Variants in GRM7 observed in about 807,000 individuals in gnomAD.
GRM7 encodes the protein metabotropic glutamate receptor 7.
GRM7 carries 35 observed loss-of-function variants against 84.5 expected under a neutral mutation model. The observed-to-expected ratio is 0.41, with a 90% CI of 0.32 to 0.55. The LOEUF is 0.55. GRM7 is among the 20% of genes least tolerant of loss of function. GRM7 has a pLI of 0.19. For missense variants in GRM7, 1,003 were observed against 1,194.6 expected (o/e 0.84, Z 2.36); for synonymous variants, 487 against 455.1 (o/e 1.07, Z -0.89).
intron 7 of GRM7, among the ~76,000 whole-genome samples, chr3:7,554,638 C>T (rs941101102): frequency 6.6e-6 from 1 of 152,158 alleles, no homozygotes; most frequent in African/African-American, 2.4e-5. Context: ...CTAGTGTGGG[C>T]AGACAGTAGG....
rs138599097 is a variant in GRM7, at chr3:7,711,629, C to T, written c.2699-28728C>T. Among the ~76,000 whole-genome samples the T allele has an allele frequency of 1.5e-4, 23 of 152,318 alleles. No homozygotes were observed. The East Asian group carries it at 2.5e-3, about 17-fold the overall frequency. The stretch of plus-strand genomic sequence containing the variant: ...AAAGGCATGCTGCCTGGAACTCGGA[C>T]GGCACCAAAGCTTTGTACTCTGAAT... On this transcript the variant is annotated intron_variant, in intron 9 of 9. Coordinates refer to ENST00000357716, the MANE Select transcript of GRM7 (RefSeq NM_000844.4).
intron 1 of GRM7, among the ~76,000 whole-genome samples, chr3:7,044,408 G>C (rs879422109): frequency 1.3e-5 from 2 of 152,066 alleles, no homozygotes; most frequent in Non-Finnish European, 2.9e-5. Flanking sequence ...GGAACGAGAG[G>C]TGATCTTTAT....
intron 1 of GRM7, among the ~76,000 whole-genome samples, chr3:6,962,813 A>G (rs1245899277): frequency 1.3e-5 from 2 of 152,190 alleles, no homozygotes; most frequent in Non-Finnish European, 2.9e-5. Flanking sequence ...TTTCATCAAG[A>G]AGACTAATAG....
intron 2 of GRM7, among the ~76,000 whole-genome samples, chr3:7,230,665 CAA>C (rs1240128510): frequency 6.6e-6 from 1 of 152,260 alleles, no homozygotes; most frequent in East Asian, 1.9e-4. Context: ...ATGCAGCTTT[CAA>C]AGAGACTTTG....
intron 5 of GRM7, among the ~76,000 whole-genome samples, chr3:7,415,813 A>AGAGGAT (rs1696136315): frequency 6.6e-6 from 1 of 152,076 alleles, no homozygotes; most frequent in Admixed American, 6.6e-5. Flanking sequence ...TCCTCCCTCT[A>AGAGGAT]TGTTGCCCAG....
chr3:7,173,876 G>A (rs973543708), intron 2 of GRM7, among the ~76,000 whole-genome samples: 2 of 152,086 alleles, frequency 1.3e-5, no homozygotes, highest in Non-Finnish European at 2.9e-5. Context: ...ATCCCTAATT[G>A]CCATTAAGAC....
intron 9 of GRM7, among the ~76,000 whole-genome samples, chr3:7,683,880 C>G (rs1700476542): frequency 6.6e-6 from 1 of 152,154 alleles, no homozygotes; most frequent in Non-Finnish European, 1.5e-5. Context: ...CAATTTGAGT[C>G]CACATTGGAT....
chr3:6,971,514 G>A (rs1693758595), intron 1 of GRM7, among the ~76,000 whole-genome samples: 1 of 152,146 alleles, frequency 6.6e-6, no homozygotes, highest in South Asian at 2.1e-4. Flanking sequence ...GATATTTCTA[G>A]ATTACTACTG....
chr3:6,861,155 G>A lies in GRM7; in HGVS notation c.-234G>A. ...GAGAGAGCGAGCAGCAAGCCGGTGAGCGCGAGCGCGGCGCGCCGGCCGGCT... is the reference window on the plus strand; with the variant it reads ...GAGAGAGCGAGCAGCAAGCCGGTGAACGCGAGCGCGGCGCGCCGGCCGGCT... On this transcript the variant is annotated 5_prime_UTR_variant, in exon 1 of 10. Coordinates refer to ENST00000357716, the MANE Select transcript of GRM7 (RefSeq NM_000844.4). The surrounding 1 kb of genome is among the most constrained non-coding windows in gnomAD (Gnocchi z 6.4). 2.3e-6 allele frequency: 1 copy of A among 433,936 alleles called. No homozygotes were observed. 26.9% of individuals were successfully genotyped at this position (433,936 alleles called of 1,614,324 possible).
chr3:7,374,751 A>G (rs1694276557), intron 4 of GRM7, among the ~76,000 whole-genome samples: 1 of 150,316 alleles, frequency 6.7e-6, no homozygotes, highest in South Asian at 2.1e-4. Flanking sequence ...TCGGCCTCCC[A>G]AAGTGCTGGG....
intron 1 of GRM7, among the ~76,000 whole-genome samples, chr3:6,889,346 C>G (rs546423812): frequency 5.3e-5 from 8 of 152,230 alleles, no homozygotes; most frequent in African/African-American, 1.7e-4. Context: ...TTCGTCCATT[C>G]AGTATGATAT....
At chr3:7,184,983 T>A (rs1344882918) in intron 2 of GRM7, among the ~76,000 whole-genome samples, 1 of 152,200 alleles carries the variant, frequency 6.6e-6, no homozygotes, top group Non-Finnish European at 1.5e-5. Context: ...TGCTGAGTAT[T>A]TTTACACATT....
intron 9 of GRM7, among the ~76,000 whole-genome samples, chr3:7,699,193 G>C (rs191359094): frequency 7.6e-4 from 115 of 152,248 alleles, no homozygotes; most frequent in Non-Finnish European, 7.1e-4. Context: ...TTTGATTTCA[G>C]GTAAGAAAGA....
chr3:7,518,797 G>A (rs1314819951), intron 7 of GRM7, among the ~76,000 whole-genome samples: 1 of 152,174 alleles, frequency 6.6e-6, no homozygotes, highest in Non-Finnish European at 1.5e-5. Context: ...TCTAAATATA[G>A]GTTAATGAAA....
chr3:6,922,036 G>A (rs1575017479), intron 1 of GRM7, among the ~76,000 whole-genome samples: 1 of 152,206 alleles, frequency 6.6e-6, no homozygotes, highest in South Asian at 2.1e-4. Flanking sequence ...GAGGGCCGTG[G>A]GGTTAGGTTT....
chr3:7,410,676 A>ACACACG (rs1559302691), intron 4 of GRM7, among the ~76,000 whole-genome samples: 1 of 151,776 alleles, frequency 6.6e-6, no homozygotes, highest in African/African-American at 2.4e-5. Context: ...ACACACACAC[A>ACACACG]CACGCACATT....
In GRM7 at chr3:7,486,896, C is replaced by T. The variant is rs537201763; in HGVS notation, c.1515+25174C>T. Among the ~76,000 whole-genome samples the T allele has an allele frequency of 6.6e-6, 1 of 152,162 alleles. No homozygotes were observed. Among genetic ancestry groups the T allele is most frequent in the Admixed American group, 6.5e-5 (1 of 15,272 alleles). On this transcript the variant is annotated intron_variant, in intron 7 of 9. Transcript: ENST00000357716. This position sits in a 1 kb window ranked among gnomAD's most constrained non-coding sequence, Gnocchi z 5.5. Reference sequence around the variant, plus strand: ...TTTGAAGGAGCAGACTAGAAAAAGCCTAGATTCTTGTGAGGACATAGAAGA... The same window carrying T: ...TTTGAAGGAGCAGACTAGAAAAAGCTTAGATTCTTGTGAGGACATAGAAGA...
rs116386273 is a variant in GRM7, at chr3:7,438,183, G to A, written c.1175-14424G>A. Among the ~76,000 whole-genome samples the A allele has an allele frequency of 1.4e-3, 214 of 152,106 alleles. 1 individual carries two copies. The highest frequency in any genetic ancestry group is 4.7e-3 in the African/African-American group (195 of 41,508). The stretch of plus-strand genomic sequence containing the variant: ...GTAAGTTGACTACTGTATGAAAATC[G>A]TGTTAAAGAGGTGCCAGGATAGACA... On this transcript the variant is annotated intron_variant, in intron 5 of 9. Transcript: ENST00000357716.
chr3:7,029,319 A>AAAAAAAAACAAAC (rs1298725395), intron 1 of GRM7, among the ~76,000 whole-genome samples: 3 of 69,076 alleles, frequency 4.3e-5, no homozygotes, highest in East Asian at 3.8e-4. Flanking sequence ...AAAAAACAAA[A>AAAAAAAAACAAAC]AAAAAAAACA....
Sources: gnomAD v4.1 joint callset for allele counts (sites outside exome capture counted in the v4.1 genomes callset) on GRCh38, gnomAD v4.1.1 for gene constraint, Gnocchi (gnomAD v3.1) non-coding constraint, MANE v1.5 for transcripts, NCBI Gene and HGNC (gene_info 2026-07-23, HGNC 2026-07-21) for gene names.